The following WASHC5 variants were observed in gnomAD, a reference collection of about 807,000 sequenced individuals.
The protein encoded by WASHC5 is WASH complex subunit 5.
In WASHC5, 101 loss-of-function variants were observed where a neutral mutation model predicts 150.4. That is an observed-to-expected ratio of 0.67 (90% CI 0.57 to 0.79). WASHC5 has a LOEUF of 0.79. Ranked by LOEUF, WASHC5 falls within the 30% of genes least tolerant of loss-of-function variation. The probability of loss-of-function intolerance (pLI) is 0.00; values close to 1 mark genes in which losing one functional copy is unlikely to be tolerated. For synonymous variants in WASHC5, 467 were observed against 491.2 expected, an observed-to-expected ratio of 0.95 and a Z score of 0.65; for missense variants, 1,195 against 1,396.3, an observed-to-expected ratio of 0.86 and a Z score of 2.30.
intron 28 of WASHC5, among the ~76,000 whole-genome samples, chr8:125,025,833 G>GACACACACACAC (rs34050035): frequency 0.024 from 3,500 of 148,118 alleles, 134 homozygotes; most frequent in African/African-American, 0.077. Context: ...TATGCAGACA[G>GACACACACACAC]ACACACACAC....
intron 18 of WASHC5, 75 bp downstream of exon 18, chr8:125,050,488 AG>A: frequency 1.0e-6 from 1 of 957,982 alleles, no homozygotes; most frequent in East Asian, 2.4e-5. Context: ...TGTTCGCGAT[AG>A]GTTAAAAATG....
In WASHC5 at chr8:125,039,590, G is replaced by C. The variant is rs781066015; in HGVS notation, c.2954+205C>G. Among the ~76,000 whole-genome samples, 4 of 152,306 alleles carry C rather than the reference G, an allele frequency of 2.6e-5. No homozygotes were observed. In the South Asian group the frequency reaches 6.2e-4, roughly 24 times the overall value. On this transcript the variant is annotated intron_variant, in intron 24 of 28. Transcript: ENST00000318410. ...TGAATACACGAATCCATTAGAGAGA[G>C]TGAGTGAGAGACAGAGATAAACGGA...
intron 17 of WASHC5, among the ~76,000 whole-genome samples, chr8:125,054,039 C>T (rs61506267): frequency 0.11 from 16,629 of 152,178 alleles, 2,123 homozygotes; most frequent in African/African-American, 0.31. Flanking sequence ...AAATACACCA[C>T]GGTGCATTCG....
chr8:125,048,980 C>A, intron 19 of WASHC5, 26 bp downstream of exon 19: 1 of 1,572,256 alleles, frequency 6.4e-7, no homozygotes, highest in South Asian at 1.1e-5. Context: ...CAAATATAGT[C>A]AAGAATTTTA....
At chr8:125,024,962 C>T (rs1055020328) in intron 28 of WASHC5, among the ~76,000 whole-genome samples, 2 of 152,026 alleles carry the variant, frequency 1.3e-5, no homozygotes, top group African/African-American at 4.8e-5. Context: ...ATGTTCTTGC[C>T]TCTGGGAAGT....
intron 28 of WASHC5, among the ~76,000 whole-genome samples, chr8:125,025,938 T>A (rs1036062700): frequency 6.6e-6 from 1 of 152,110 alleles, no homozygotes; most frequent in African/African-American, 2.4e-5. Flanking sequence ...TGGGCACATA[T>A]CTTGGTAAAC....
At chr8:125,066,223 GACAAATCAC>G (rs1197834225) in intron 10 of WASHC5, among the ~76,000 whole-genome samples, 11 of 152,156 alleles carry the variant, frequency 7.2e-5, no homozygotes, top group Non-Finnish European at 1.6e-4. Context: ...ATTATGCCCA[GACAAATCAC>G]TGAAAACACT....
intron 15 of WASHC5, 89 bp from the exon 16 acceptor site, chr8:125,056,906 TA>T: frequency 1.3e-6 from 2 of 1,487,214 alleles, no homozygotes; most frequent in Non-Finnish European, 1.9e-6. Flanking sequence ...TTTGTCTATA[TA>T]GGGGGATGCT....
rs115187680 is a variant in WASHC5 at position 125,047,090 on chromosome 8, T to C, written c.2504+117A>G. ...GGACCCTTGCCCTAAAGGGTCAGAA[T>C]ATGAGTTGACAAGTGCAGGACCCCC... is the stretch of plus-strand genomic sequence containing the variant. On this transcript the variant is annotated intron_variant, in intron 20 of 28. Coordinates refer to ENST00000318410, the MANE Select transcript of WASHC5 (RefSeq NM_014846.4). 8.5e-4 allele frequency: 1,068 copies of C among 1,258,560 alleles called. 14 individuals are homozygous for C. In the African/African-American group the frequency reaches 0.013, roughly 16 times the overall value. The allele number at this position is 1,258,560 out of a possible 1,614,324, so 78.0% of individuals were successfully genotyped here.
At chr8:125,034,451 C>T (rs975687376) in intron 26 of WASHC5, among the ~76,000 whole-genome samples, 5 of 151,680 alleles carry the variant, frequency 3.3e-5, no homozygotes, top group Admixed American at 6.6e-5. Context: ...TGCAGTGGGC[C>T]GAGATTACGC....
intron 5 of WASHC5, among the ~76,000 whole-genome samples, chr8:125,081,372 G>C (rs1005801342): frequency 7.9e-5 from 12 of 151,584 alleles, no homozygotes; most frequent in African/African-American, 2.7e-4. Context: ...TGAGTACCTG[G>C]AATTACAGGC....
At chr8:125,086,310 A>C (rs1056904961) in intron 1 of WASHC5, among the ~76,000 whole-genome samples, 1 of 152,038 alleles carries the variant, frequency 6.6e-6, no homozygotes, top group Non-Finnish European at 1.5e-5. Flanking sequence ...CCCATTGCTC[A>C]TTTCTTTGTA....
At chr8:125,024,736 A>G in intron 28 of WASHC5, 63 bp from the exon 29 acceptor site, 1 of 1,124,602 alleles carries the variant, frequency 8.9e-7, no homozygotes, top group South Asian at 1.3e-5. Context: ...AAATTTTCAT[A>G]CGTAAAAGAA....
intron 5 of WASHC5, among the ~76,000 whole-genome samples, chr8:125,079,744 G>A (rs1817193235): frequency 6.6e-6 from 1 of 152,122 alleles, no homozygotes; most frequent in Non-Finnish European, 1.5e-5. Flanking sequence ...TGAGATAAGT[G>A]AAGACTATAT....
intron 1 of WASHC5, among the ~76,000 whole-genome samples, chr8:125,088,469 A>G (rs112101796): frequency 0.028 from 4,313 of 151,676 alleles, 229 homozygotes; most frequent in African/African-American, 0.1. Context: ...GGATAGAAAC[A>G]AAAGATACAG....
chr8:125,044,087 AG>A lies in WASHC5; in HGVS notation c.2674del (p.Leu892SerfsTer9). 3 of 1,607,174 alleles carry A rather than the reference AG, an allele frequency of 1.9e-6. No homozygotes were observed. The highest frequency in any genetic ancestry group is 2.6e-6 in the Non-Finnish European group (3 of 1,173,716). Reference protein sequence around the residue: ...FMIVKELQNFLSMFQKIILRD... With the variant: ...FMIVKELQNFXSMFQKIILRD... Reference sequence around the variant, plus strand: ...CAGGATAATTTTCTGAAACATACTGAGGAAATTCTAAAAACAAGAAGGCACG... The same window carrying A: ...CAGGATAATTTTCTGAAACATACTGAGAAATTCTAAAAACAAGAAGGCACG... On this transcript the variant is annotated frameshift_variant, in exon 22 of 29. Transcript: ENST00000318410. LOFTEE classifies it high-confidence loss of function.
Position 125,059,311 on chromosome 8 carries a change from A to C in WASHC5, c.1689-14T>G. The C allele has an allele frequency of 6.2e-7, 1 of 1,613,880 alleles. No individual in the cohort carries two copies. Among genetic ancestry groups the C allele is most frequent in the Non-Finnish European group, 8.5e-7 (1 of 1,179,758 alleles). Reference sequence around the variant, plus strand: ...ATGGATGTGAAACTGTAAAAAGAAAAGAAACGGTAAGAAGATGTTCCTAGG... The same window carrying C: ...ATGGATGTGAAACTGTAAAAAGAAACGAAACGGTAAGAAGATGTTCCTAGG... On this transcript the variant is annotated splice_polypyrimidine_tract_variant and intron_variant, in intron 13 of 28. Coordinates refer to ENST00000318410, the MANE Select transcript of WASHC5 (RefSeq NM_014846.4).
In WASHC5 at chr8:125,046,910, C is replaced by T. The variant is rs374205911; in HGVS notation, c.2504+297G>A. Among the ~76,000 whole-genome samples, 18 of 152,078 alleles carry T rather than the reference C, an allele frequency of 1.2e-4. No homozygotes were observed. In the East Asian group the frequency reaches 1.9e-3, roughly 16 times the overall value. ...TCTAGTACTTTGGGAGAATCTAGCA[C>T]GCTCCTATGAGAATCTAGCACTTTG... On this transcript the variant is annotated intron_variant, in intron 20 of 28. Transcript: ENST00000318410.
rs1420940651 is a variant in WASHC5, at chr8:125,044,519, A to G, written c.2667+17T>C. On this transcript the variant is annotated intron_variant, in intron 21 of 28. Coordinates refer to ENST00000318410, the MANE Select transcript of WASHC5 (RefSeq NM_014846.4). ...CCCAGGGTGGCAGAAAACAGGCATG[A>G]AAGTCAAAAGGCTCACCTGTAACTC... 8.1e-6 allele frequency: 13 copies of G among 1,613,812 alleles called. No homozygotes were observed. The highest frequency in any genetic ancestry group is 1.1e-5 in the Non-Finnish European group (13 of 1,179,726).
Sources: gnomAD v4.1 joint callset for allele counts (sites outside exome capture counted in the v4.1 genomes callset) on GRCh38, gnomAD v4.1.1 for gene constraint, MANE v1.5 for transcripts, NCBI Gene and HGNC (gene_info 2026-07-23, HGNC 2026-07-21) for gene names.